The following PTPRD variants were observed in gnomAD, a reference collection of about 807,000 sequenced individuals.
The protein encoded by PTPRD is receptor-type tyrosine-protein phosphatase delta.
PTPRD carries 34 observed loss-of-function variants against 214.5 expected under a neutral mutation model. That is an observed-to-expected ratio of 0.16 (90% CI 0.12 to 0.21). The LOEUF is 0.21. PTPRD is among the 10% of genes least tolerant of loss of function. PTPRD has a pLI of 1.00. For synonymous variants in PTPRD, 1,128 were observed against 845.7 expected, an observed-to-expected ratio of 1.33 and a Z score of -5.79; for missense variants, 2,545 against 2,398.7, an observed-to-expected ratio of 1.06 and a Z score of -1.27.
intron 7 of PTPRD, among the ~76,000 whole-genome samples, chr9:9,603,521 G>A (rs1440279137): frequency 1.3e-5 from 2 of 152,124 alleles, no homozygotes; most frequent in East Asian, 1.9e-4. Context: ...CGGCATACCC[G>A]GAAGTGAGCA....
At position 9,851,323 on chromosome 9, in the gene PTPRD, C is replaced by T. The variant is rs116677454; in HGVS notation, c.-367-84472G>A. ...TTCAAAGTTTAAGGTGAACTGCTCTCGTCAGGCCAGCCTTGGCATGGCAGC... is the reference window on the plus strand; with the variant it reads ...TTCAAAGTTTAAGGTGAACTGCTCTTGTCAGGCCAGCCTTGGCATGGCAGC... On this transcript the variant is annotated intron_variant, in intron 5 of 45. Transcript: ENST00000381196. Among the ~76,000 whole-genome samples the T allele has an allele frequency of 8.9e-3, 1,354 of 152,302 alleles. 21 individuals carry two copies. Among genetic ancestry groups the T allele is most frequent in the African/African-American group, 0.031 (1,283 of 41,552 alleles).
intron 8 of PTPRD, among the ~76,000 whole-genome samples, chr9:9,467,301 G>T (rs1589188336): frequency 7.7e-6 from 1 of 130,544 alleles, no homozygotes. Context: ...CCTAGAAGTT[G>T]AACAGGCTAG....
intron 3 of PTPRD, among the ~76,000 whole-genome samples, chr9:10,155,826 G>A (rs956561912): frequency 2.0e-5 from 3 of 152,022 alleles, no homozygotes; most frequent in Non-Finnish European, 2.9e-5. Flanking sequence ...CTTTTTTAAT[G>A]TGCTGCTGGA....
intron 3 of PTPRD, among the ~76,000 whole-genome samples, chr9:10,130,196 CTTA>C (rs2098849883): frequency 5.9e-5 from 8 of 135,108 alleles, no homozygotes; most frequent in Non-Finnish European, 6.3e-5. Context: ...TTGGCTCTTT[CTTA>C]TCTACTGGGA....
intron 7 of PTPRD, among the ~76,000 whole-genome samples, chr9:9,576,128 CTG>C (rs1364512395): frequency 6.6e-6 from 1 of 152,052 alleles, no homozygotes; most frequent in African/African-American, 2.4e-5. Flanking sequence ...TTTTGGGAGA[CTG>C]TGTTTTTCTC....
chr9:9,050,457 C>G (rs1374389394), intron 10 of PTPRD, among the ~76,000 whole-genome samples: 1 of 152,090 alleles, frequency 6.6e-6, no homozygotes, highest in East Asian at 1.9e-4. Flanking sequence ...CCCTACATGC[C>G]AAGTATAAAA....
chr9:9,172,390 C>G lies in PTPRD; in HGVS notation c.-143+10914G>C, dbSNP rs572141074. Reference sequence around the variant, plus strand: ...GGGATCCAAGCATGTATAAATATAACTATTTTTATCTCTTCTCTTCCTCCT... The same window carrying G: ...GGGATCCAAGCATGTATAAATATAAGTATTTTTATCTCTTCTCTTCCTCCT... On this transcript the variant is annotated intron_variant, in intron 10 of 45. Transcript: ENST00000381196. Among the ~76,000 whole-genome samples the G allele has an allele frequency of 2.0e-5, 3 of 152,210 alleles. No individual in the cohort carries two copies. In the East Asian group the frequency reaches 5.8e-4, roughly 29 times the overall value.
chr9:9,984,929 G>C (rs1349252290), intron 4 of PTPRD, among the ~76,000 whole-genome samples: 1 of 152,224 alleles, frequency 6.6e-6, no homozygotes, highest in East Asian at 1.9e-4. Context: ...CCTTCTTCCT[G>C]CAATGTGCCC....
At chr9:10,049,654 G>T (rs1317092282) in intron 3 of PTPRD, among the ~76,000 whole-genome samples, 1 of 152,132 alleles carries the variant, frequency 6.6e-6, no homozygotes, top group African/African-American at 2.4e-5. Context: ...CAACAGTAAT[G>T]CTCTGCAGTT....
intron 9 of PTPRD, among the ~76,000 whole-genome samples, chr9:9,304,073 T>C (rs1160801465): frequency 1.3e-5 from 2 of 152,144 alleles, no homozygotes; most frequent in Non-Finnish European, 2.9e-5. Flanking sequence ...GTTCTAAAAT[T>C]GAAGCAATTA....
chr9:10,342,597 T>C (rs1046707096), intron 2 of PTPRD, among the ~76,000 whole-genome samples: 32 of 152,270 alleles, frequency 2.1e-4, no homozygotes, highest in African/African-American at 7.2e-4. Flanking sequence ...CAAAGTATTG[T>C]CCTCAAATGT....
intron 5 of PTPRD, among the ~76,000 whole-genome samples, chr9:9,827,862 T>C (rs1244641513): frequency 1.3e-5 from 2 of 152,100 alleles, no homozygotes; most frequent in Non-Finnish European, 2.9e-5. Context: ...CAGACACTTG[T>C]CAACAGAAGA....
At chr9:10,097,600 CTT>C (rs2154209406) in intron 3 of PTPRD, among the ~76,000 whole-genome samples, 1 of 151,844 alleles carries the variant, frequency 6.6e-6, no homozygotes, top group East Asian at 2.0e-4. Context: ...TATCCTGAGA[CTT>C]TGCTGAAGTT....
chr9:10,058,800 T>C (rs1304023783), intron 3 of PTPRD, among the ~76,000 whole-genome samples: 2 of 152,086 alleles, frequency 1.3e-5, no homozygotes, highest in African/African-American at 4.8e-5. Context: ...ATAGGCACCA[T>C]TGTTTTTTTC....
At chr9:10,253,987 T>A (rs2093020517) in intron 3 of PTPRD, among the ~76,000 whole-genome samples, 1 of 152,290 alleles carries the variant, frequency 6.6e-6, no homozygotes, top group Non-Finnish European at 1.5e-5. Context: ...CCTAATTCTA[T>A]AGCAATACAT....
intron 8 of PTPRD, among the ~76,000 whole-genome samples, chr9:9,556,935 G>T (rs1224715910): frequency 1.3e-5 from 2 of 152,208 alleles, no homozygotes; most frequent in African/African-American, 2.4e-5. Flanking sequence ...AAAGAGTAAA[G>T]ATTTCAACTG....
At chr9:9,051,975 T>C (rs1030332764) in intron 10 of PTPRD, among the ~76,000 whole-genome samples, 19 of 152,222 alleles carry the variant, frequency 1.2e-4, no homozygotes, top group Admixed American at 5.9e-4. Flanking sequence ...GTTTTACTTA[T>C]CTTCATCCAT....
intron 5 of PTPRD, among the ~76,000 whole-genome samples, chr9:9,868,153 G>T (rs1188660468): frequency 6.6e-6 from 1 of 152,172 alleles, no homozygotes; most frequent in Admixed American, 6.5e-5. Context: ...AAGCAGCTGA[G>T]TCCTAGTGAG....
At chr9:9,083,176 A>G (rs2099761723) in intron 10 of PTPRD, among the ~76,000 whole-genome samples, 1 of 152,168 alleles carries the variant, frequency 6.6e-6, no homozygotes, top group Non-Finnish European at 1.5e-5. Context: ...AGTAACCAAA[A>G]CAGCATGATA....
Sources: gnomAD v4.1 joint callset for allele counts (sites outside exome capture counted in the v4.1 genomes callset) on GRCh38, gnomAD v4.1.1 for gene constraint, MANE v1.5 for transcripts, NCBI Gene and HGNC (gene_info 2026-07-23, HGNC 2026-07-21) for gene names.